Variants in MID1 observed in about 807,000 individuals in gnomAD.
The protein encoded by MID1 is midline 1.
In MID1, 7 loss-of-function variants were observed where a neutral mutation model predicts 40.4. The observed-to-expected ratio is 0.17, with a 90% CI of 0.10 to 0.33. MID1 has a LOEUF of 0.33. Ranked by LOEUF, MID1 falls within the 10% of genes least tolerant of loss-of-function variation. The probability of loss-of-function intolerance (pLI) is 1.00; values close to 1 mark genes in which losing one functional copy is unlikely to be tolerated. For synonymous variants in MID1, 229 were observed against 221.2 expected, an observed-to-expected ratio of 1.04 and a Z score of -0.31; for missense variants, 367 against 558.5, an observed-to-expected ratio of 0.66 and a Z score of 3.46.
chrX:10,762,691 T>C (rs2043688713), intron 1 of MID1, among the ~76,000 whole-genome samples: 1 of 111,276 alleles, frequency 9.0e-6, no homozygotes, highest in Non-Finnish European at 1.9e-5. Flanking sequence ...CGCCTTGGCC[T>C]CCCAAAGTGC....
chrX:10,694,379 C>A (rs764232648), intron 1 of MID1, among the ~76,000 whole-genome samples: 1 of 112,285 alleles, frequency 8.9e-6, no homozygotes, highest in African/African-American at 3.2e-5. Context: ...GCCCCAAATT[C>A]TAACCACCCC....
chrX:10,521,133 G>A (rs1305511390), intron 3 of MID1, among the ~76,000 whole-genome samples: 2 of 98,248 alleles, frequency 2.0e-5, no homozygotes, highest in African/African-American at 3.7e-5. Context: ...GGGGGCGGGC[G>A]GTGGGGGAGG....
At chrX:10,517,901 T>C in intron 3 of MID1, among the ~76,000 whole-genome samples, 1 of 112,300 alleles carries the variant, frequency 8.9e-6, no homozygotes, top group African/African-American at 3.2e-5. Flanking sequence ...AATTATGGCT[T>C]TCTACTTTAT....
At chrX:10,472,639 C>T (rs1256013101) in intron 6 of MID1, among the ~76,000 whole-genome samples, 1 of 112,075 alleles carries the variant, frequency 8.9e-6, no homozygotes, top group Non-Finnish European at 1.9e-5. Flanking sequence ...GTTTGCTAGG[C>T]GGGTCTTCTG....
intron 1 of MID1, among the ~76,000 whole-genome samples, chrX:10,647,541 A>AT (rs1326846697): frequency 8.9e-6 from 1 of 111,979 alleles, no homozygotes; most frequent in Admixed American, 9.5e-5. Context: ...AAAATTAAAA[A>AT]TAAAAAACCC....
chrX:10,634,900 G>A (rs1015532699), intron 1 of MID1, among the ~76,000 whole-genome samples: 9 of 112,411 alleles, frequency 8.0e-5, no homozygotes, highest in Non-Finnish European at 1.3e-4. Context: ...GATTTTCTGC[G>A]CCTGAGTCCC....
intron 2 of MID1, among the ~76,000 whole-genome samples, chrX:10,564,749 G>A (rs1332423224): frequency 9.0e-6 from 1 of 111,312 alleles, no homozygotes; most frequent in Non-Finnish European, 1.9e-5. Context: ...CAGGCCATGA[G>A]TACTTGAGCA....
intron 2 of MID1, chrX:10,565,457 T>C (rs1168909120): frequency 3.0e-6 from 1 of 331,258 alleles, no homozygotes; most frequent in Admixed American, 3.1e-5. Flanking sequence ...CAACCACCCA[T>C]TAGCGCTAAG....
rs769044257 is a variant in MID1 at position 10,553,922 on chromosome X, C to A, written c.660+12966G>T. Reference sequence around the variant, plus strand: ...TCAAACTCTCTCTCTTTCTTTCTCGCTAATTTTTTAAGGGTGGTATGTTTG... The same window carrying A: ...TCAAACTCTCTCTCTTTCTTTCTCGATAATTTTTTAAGGGTGGTATGTTTG... On this transcript the variant is annotated intron_variant, in intron 2 of 9. Transcript: ENST00000317552. 4.5e-5 allele frequency among the ~76,000 whole-genome samples: 5 copies of A among 111,692 alleles called. No homozygotes were observed. In the Admixed American group the frequency reaches 4.7e-4, roughly 11 times the overall value.
chrX:10,732,743 T>C (rs1197450252), intron 1 of MID1, among the ~76,000 whole-genome samples: 18 of 111,982 alleles, frequency 1.6e-4, no homozygotes, highest in Non-Finnish European at 3.0e-4. Flanking sequence ...AACTATAACA[T>C]GACAGTAGCT....
chrX:10,567,542 T>C lies in MID1; in HGVS notation c.6A>G (p.Glu2=), dbSNP rs763029905. 1 of 1,209,815 alleles carries C rather than the reference T, an allele frequency of 8.3e-7. No individual in the cohort carries two copies. The highest frequency in any genetic ancestry group is 1.7e-5 in the African/African-American group (1 of 57,184). Residue 2 remains glutamate, a synonymous_variant, in exon 2 of 10, where the codon GAA becomes GAG. Transcript: ENST00000317552. Reference sequence around the variant, plus strand: ...GGCAGGTCAGTTCTGACTCCAGTGTTTCCATCTTCAGGCAAAGCTCTCTTG... The same window carrying C: ...GGCAGGTCAGTTCTGACTCCAGTGTCTCCATCTTCAGGCAAAGCTCTCTTG... M[E]TLESELTCPI...
At chrX:10,590,624 T>C (rs1935272998) in intron 1 of MID1, among the ~76,000 whole-genome samples, 1 of 112,172 alleles carries the variant, frequency 8.9e-6, no homozygotes, top group African/African-American at 3.2e-5. Flanking sequence ...AAAAATGTAC[T>C]CTATATAAGA....
chrX:10,774,856 A>G (rs1240034590), intron 1 of MID1, among the ~76,000 whole-genome samples: 5 of 111,593 alleles, frequency 4.5e-5, no homozygotes, highest in Middle Eastern at 4.6e-3. Context: ...AGTTTTCAAG[A>G]TTGGCGTTCT....
At chrX:10,542,172 A>G (rs962820978) in intron 2 of MID1, among the ~76,000 whole-genome samples, 1 of 112,514 alleles carries the variant, frequency 8.9e-6, no homozygotes, top group African/African-American at 3.2e-5. Flanking sequence ...AACATCCCTC[A>G]ACTCTATACA....
rs1344381773 is a variant in MID1, at chrX:10,448,181, T to C, written c.*1187A>G. On this transcript the variant is annotated 3_prime_UTR_variant, in exon 10 of 10. Transcript: ENST00000317552. ...GACTATAGAGGGACTTCTACATCTT[T>C]CAAGATGTGTTTAATAAAGGTCTGT... 3 of 110,573 alleles carry C rather than the reference T, an allele frequency of 2.7e-5. No homozygotes were observed. The highest frequency in any genetic ancestry group is 9.9e-5 in the African/African-American group (3 of 30,237). 9.1% of individuals were successfully genotyped at this position (110,573 alleles called of 1,213,427 possible).
intron 3 of MID1, among the ~76,000 whole-genome samples, chrX:10,517,502 T>C (rs1402251509): frequency 8.9e-6 from 1 of 111,909 alleles, no homozygotes; most frequent in African/African-American, 3.3e-5. Context: ...CTGAAAAGAG[T>C]TGGAAATGCC....
chrX:10,640,179 T>G (rs1395206071), intron 1 of MID1, among the ~76,000 whole-genome samples: 2 of 111,953 alleles, frequency 1.8e-5, no homozygotes, highest in African/African-American at 6.5e-5. Flanking sequence ...TAACTTTAAA[T>G]GTAAATGAGC....
chrX:10,592,688 C>T (rs1486834820), intron 1 of MID1, among the ~76,000 whole-genome samples: 1 of 110,006 alleles, frequency 9.1e-6, no homozygotes, highest in Non-Finnish European at 1.9e-5. Flanking sequence ...AAAAGCCACC[C>T]TACGCACCCT....
At chrX:10,817,590 C>G (rs865986290) in intron 1 of MID1, among the ~76,000 whole-genome samples, 1 of 67,251 alleles carries the variant, frequency 1.5e-5, no homozygotes, top group Non-Finnish European at 2.9e-5. Flanking sequence ...CTTTCTTTCT[C>G]TCTCTCTTTC....
Sources: gnomAD v4.1 joint callset for allele counts (sites outside exome capture counted in the v4.1 genomes callset) on GRCh38, gnomAD v4.1.1 for gene constraint, MANE v1.5 for transcripts, NCBI Gene and HGNC (gene_info 2026-07-23, HGNC 2026-07-21) for gene names.